Variants in TOP1MT observed in about 807,000 individuals in gnomAD.
The protein encoded by TOP1MT is DNA topoisomerase I mitochondrial, also known as DNA topoisomerase I, mitochondrial.
TOP1MT carries 80 observed loss-of-function variants against 73.9 expected under a neutral mutation model. The observed-to-expected ratio is 1.08, with a 90% CI of 0.90 to 1.30. The LOEUF (loss-of-function observed/expected upper bound fraction) is 1.30, where lower values mean the gene tolerates loss of function less well. Among genes scored for constraint, TOP1MT ranks in the 50% most tolerant of loss-of-function variants. The probability of loss-of-function intolerance (pLI) is 0.00; values close to 1 mark genes in which losing one functional copy is unlikely to be tolerated. For synonymous variants in TOP1MT, 338 were observed against 326.4 expected, an observed-to-expected ratio of 1.04 and a Z score of -0.38; for missense variants, 815 against 808.0, an observed-to-expected ratio of 1.01 and a Z score of -0.10.
At chr8:143,329,292 C>T (rs905015925) in intron 3 of TOP1MT, 58 bp downstream of exon 3, 89 of 1,514,604 alleles carry the variant, frequency 5.9e-5, no homozygotes, top group South Asian at 4.1e-4. Context: ...ACTGCAGAAC[C>T]GCAGACGCCT....
At position 143,321,057 on chromosome 8, in the gene TOP1MT, G is replaced by A. The variant is rs929030137; in HGVS notation, c.1146+144C>T. 2.6e-5 allele frequency: 21 copies of A among 819,054 alleles called. 1 individual carries two copies. Among genetic ancestry groups the A allele is most frequent in the African/African-American group, 1.2e-4 (7 of 57,202 alleles). 50.7% of individuals were successfully genotyped at this position (819,054 alleles called of 1,614,324 possible). ...ACAGCCTCTCCTTCACCTTTACCCC[G>A]ATCAGCCCCGGCACAGCAGGCCTCA... On this transcript the variant is annotated intron_variant, in intron 8 of 13. Transcript: ENST00000329245.
intron 10 of TOP1MT, 88 bp from the exon 11 acceptor site, chr8:143,316,214 C>T (rs578019191): frequency 1.7e-5 from 27 of 1,590,694 alleles, no homozygotes; most frequent in East Asian, 4.5e-5. Flanking sequence ...CGCCACACAG[C>T]GCAGCCCCTT....
At chr8:143,323,953 G>A (rs1816630274) in intron 7 of TOP1MT, 46 bp downstream of exon 7, 1 of 1,604,828 alleles carries the variant, frequency 6.2e-7, no homozygotes, top group Non-Finnish European at 8.5e-7. Flanking sequence ...GTCCTCGCCA[G>A]GAGAACCAGG....
rs375579076 is a variant in TOP1MT at position 143,331,217 on chromosome 8, T to G, written c.238+7A>C. On this transcript the variant is annotated splice_region_variant and intron_variant, in intron 2 of 13. Transcript: ENST00000329245. The stretch of plus-strand genomic sequence containing the variant: ...GGCTGGGGAGGAGCCGCTCCCTGCA[T>G]CCTTACCTTCATAGAAGAAACGCAC... 6.3e-7 allele frequency: 1 copy of G among 1,598,122 alleles called. No homozygotes were observed. The highest frequency in any genetic ancestry group is 2.2e-5 in the East Asian group (1 of 44,516).
chr8:143,345,980 G>A (rs1386420755), upstream of TOP1MT, among the ~76,000 whole-genome samples: 1 of 152,222 alleles, frequency 6.6e-6, no homozygotes, highest in Non-Finnish European at 1.5e-5. Context: ...GAGTGTGTGT[G>A]GACATGTCTG....
rs754840013 is a variant in TOP1MT, at chr8:143,326,324, C to T, written c.381G>A (p.Arg127=). 2.5e-6 allele frequency: 4 copies of T among 1,613,996 alleles called. No individual in the cohort carries two copies. In the South Asian group the frequency reaches 4.4e-5, roughly 18 times the overall value. ...DWRKEMAVEE[R]EVIKSLDKCD... The stretch of plus-strand genomic sequence containing the variant: ...ACTTGTCCAGGCTCTTGATGACTTC[C>T]CTCTCTTCCACCGCCATTTCCTGCA... The change falls in exon 4 of 14, where the codon AGG becomes AGA. Residue 127 remains arginine, a synonymous_variant. Coordinates refer to ENST00000329245, the MANE Select transcript of TOP1MT (RefSeq NM_052963.3).
At chr8:143,338,959 A>G (rs1290848190), upstream of TOP1MT, among the ~76,000 whole-genome samples, 1 of 152,252 alleles carries the variant, frequency 6.6e-6, no homozygotes, top group Non-Finnish European at 1.5e-5. Context: ...TCTTCCTCAC[A>G]GCAGGTAGGA....
At chr8:143,323,010 C>T (rs1438564764) in intron 7 of TOP1MT, among the ~76,000 whole-genome samples, 1 of 86,640 alleles carries the variant, frequency 1.2e-5, no homozygotes, top group Non-Finnish European at 2.6e-5. Context: ...CACAGGCACG[C>T]CACACACATG....
intron 1 of TOP1MT, chr8:143,334,386 C>T (rs1816935331): frequency 4.9e-6 from 1 of 205,516 alleles, no homozygotes; most frequent in South Asian, 8.6e-5. Context: ...CTCAGAAGAC[C>T]ATGCACAGCA....
In TOP1MT at chr8:143,316,042, G is replaced by A. The variant is rs145079137; in HGVS notation, c.1415C>T (p.Thr472Ile). Residue 472 changes from threonine to isoleucine, a missense_variant, in exon 11 of 14, where the codon ACC (threonine) becomes ATC (isoleucine). By Grantham distance (89) the Thr-to-Ile change is moderately conservative (BLOSUM62 -1). This residue lies in a region of TOP1MT where 751 missense variants were observed against 725.4 expected (regional missense o/e 1.04). Transcript: ENST00000329245. ...VAILCNHQRA[T>I]PSTFEKSMQN... Reference sequence around the variant, plus strand: ...CATCGACTTCTCGAACGTACTGGGGGTTGCTCGCTGATGGTTGCAGAGAAT... The same window carrying A: ...CATCGACTTCTCGAACGTACTGGGGATTGCTCGCTGATGGTTGCAGAGAAT... The A allele has an allele frequency of 6.2e-7, 1 of 1,614,160 alleles. No individual in the cohort carries two copies. The highest frequency in any genetic ancestry group is 8.5e-7 in the Non-Finnish European group (1 of 1,179,988).
intron 1 of TOP1MT, among the ~76,000 whole-genome samples, chr8:143,350,922 T>C (rs369779215): frequency 2.0e-5 from 3 of 152,118 alleles, no homozygotes; most frequent in Admixed American, 6.6e-5. Flanking sequence ...TCCTGGGTCC[T>C]CCTCTTCGAC....
chr8:143,329,659 G>A (rs933391447), intron 2 of TOP1MT, among the ~76,000 whole-genome samples, 188 bp from the exon 3 acceptor site: 4 of 152,160 alleles, frequency 2.6e-5, no homozygotes, highest in African/African-American at 9.7e-5. Flanking sequence ...TGGAGGTGGC[G>A]ACCACAGTGA....
At chr8:143,317,962 G>A (rs568625939) in intron 9 of TOP1MT, 56 bp downstream of exon 9, 15 of 1,596,236 alleles carry the variant, frequency 9.4e-6, no homozygotes, top group Admixed American at 3.3e-5. Context: ...CAGCGCCCAC[G>A]CCCTCTCACT....
intron 3 of TOP1MT, among the ~76,000 whole-genome samples, chr8:143,328,506 C>T (rs544712727): frequency 6.6e-6 from 1 of 152,348 alleles, no homozygotes; most frequent in African/African-American, 2.4e-5. Flanking sequence ...CATTTTGTGC[C>T]CACTAGAAAG....
At chr8:143,351,110 T>A (rs1409359236) in intron 1 of TOP1MT, among the ~76,000 whole-genome samples, 1 of 152,176 alleles carries the variant, frequency 6.6e-6, no homozygotes, top group East Asian at 1.9e-4. Flanking sequence ...CAAGAACCCC[T>A]ACCCCCGATG....
At chr8:143,322,959 C>CACAG (rs1563760544) in intron 7 of TOP1MT, among the ~76,000 whole-genome samples, 2 of 119,908 alleles carry the variant, frequency 1.7e-5, no homozygotes, top group Non-Finnish European at 1.8e-5. Flanking sequence ...ACGCCACACA[C>CACAG]GCACGCCACA....
At chr8:143,321,455 ACAC>A (rs1816348431) in intron 7 of TOP1MT, 69 bp from the exon 8 acceptor site, 2 of 771,018 alleles carry the variant, frequency 2.6e-6, no homozygotes, top group African/African-American at 1.7e-5. Flanking sequence ...CACGCCACAC[ACAC>A]GCACGCCACA....
chr8:143,331,076 C>T (rs1816840451), intron 2 of TOP1MT, 148 bp downstream of exon 2: 2 of 579,616 alleles, frequency 3.5e-6, no homozygotes, highest in South Asian at 2.6e-5. Flanking sequence ...GTCAGCAGCC[C>T]CCACGCATCA....
At position 143,322,811 on chromosome 8, in the gene TOP1MT, CCA is replaced by C. The variant is rs1279103245; in HGVS notation, c.960+1186_960+1187del. Among the ~76,000 whole-genome samples the C allele has an allele frequency of 9.2e-4, 59 of 64,304 alleles. 4 individuals are homozygous for C. The highest frequency in any genetic ancestry group is 1.5e-3 in the Non-Finnish European group (50 of 32,420). The allele number at this position is 64,304 out of a possible 152,430, so 42.2% of individuals were successfully genotyped here. A position where few individuals can be genotyped will look rare whatever the true frequency, so the allele number is the denominator to read the frequency against. On this transcript the variant is annotated intron_variant, in intron 7 of 13. Transcript: ENST00000329245. ...ACACACATGCACACACACATGCATG[CCA>C]CACACAGGCACGCCACACACGCACA... is the stretch of plus-strand genomic sequence containing the variant.
Sources: allele counts gnomAD v4.1 joint callset (sites outside exome capture counted in the v4.1 genomes callset), GRCh38; gene constraint gnomAD v4.1.1; regional missense constraint gnomAD v4.1.1; transcripts MANE v1.5; gene names NCBI Gene and HGNC (gene_info 2026-07-23, HGNC 2026-07-21).